Variants in FBN1 observed in about 807,000 individuals in gnomAD.
FBN1 encodes the protein fibrillin-1.
FBN1 carries 29 observed loss-of-function variants against 365.1 expected under a neutral mutation model. The ratio of observed to expected loss-of-function variants is 0.08; its 90% CI spans 0.06 to 0.11. The LOEUF is 0.11. Ranked by LOEUF, FBN1 falls within the 10% of genes least tolerant of loss-of-function variation. FBN1 has a pLI of 1.00. For synonymous variants in FBN1, 1,210 were observed against 1,270.5 expected (o/e 0.95, Z 1.01); for missense variants, 2,476 against 3,703.2 (o/e 0.67, Z 8.60).
At chr15:48,503,678 G>T in intron 17 of FBN1, 109 bp downstream of exon 17, 1 of 1,439,154 alleles carries the variant, frequency 6.9e-7, no homozygotes, top group Non-Finnish European at 9.7e-7. Flanking sequence ...AAGGCACATG[G>T]CGTACCTGGA....
At chr15:48,624,701 A>G (rs909123116) in intron 2 of FBN1, among the ~76,000 whole-genome samples, 3 of 152,264 alleles carry the variant, frequency 2.0e-5, no homozygotes, top group African/African-American at 7.2e-5. Context: ...GGGTCTATCA[A>G]GAGCTTTTCT....
rs899761312 is a variant in FBN1 at position 48,456,567 on chromosome 15, G to A, written c.5422+70C>T. 43 of 1,493,258 alleles carry A rather than the reference G, an allele frequency of 2.9e-5. No homozygotes were observed. Among genetic ancestry groups the A allele is most frequent in the African/African-American group, 8.3e-5 (6 of 72,444 alleles). The allele number at this position is 1,493,258 out of a possible 1,614,324, so 92.5% of individuals were successfully genotyped here. A position where few individuals can be genotyped will look rare whatever the true frequency, so the allele number is the denominator to read the frequency against. On this transcript the variant is annotated intron_variant, in intron 44 of 65. Transcript: ENST00000316623. ...CTGAAATTTCAATGTTGTGAAATTC[G>A]CCAAGTGTGTATCAAGTAGCTCATC... is the stretch of plus-strand genomic sequence containing the variant.
At chr15:48,471,084 T>G (rs1379284480) in intron 35 of FBN1, among the ~76,000 whole-genome samples, 4 of 152,086 alleles carry the variant, frequency 2.6e-5, no homozygotes, top group African/African-American at 7.2e-5. Context: ...TAAATTCGTT[T>G]TTTTTTTTTA....
At chr15:48,538,816 G>A (rs2044034056) in intron 6 of FBN1, among the ~76,000 whole-genome samples, 2 of 152,148 alleles carry the variant, frequency 1.3e-5, no homozygotes, top group Admixed American at 1.3e-4. Flanking sequence ...ATTTTCAGAA[G>A]TGTTTAGGTG....
At chr15:48,546,396 G>A (rs539953881) in intron 6 of FBN1, among the ~76,000 whole-genome samples, 16 of 152,310 alleles carry the variant, frequency 1.1e-4, no homozygotes, top group African/African-American at 3.8e-4. Context: ...TTTAAACTGA[G>A]GCCTAAAGGA....
At chr15:48,416,328 G>GC (rs2042903419) in intron 63 of FBN1, among the ~76,000 whole-genome samples, 1 of 152,232 alleles carries the variant, frequency 6.6e-6, no homozygotes, top group South Asian at 2.1e-4. Flanking sequence ...CCAAGTGTCT[G>GC]CCCCACGTGT....
intron 4 of FBN1, among the ~76,000 whole-genome samples, chr15:48,607,587 G>A (rs921191758): frequency 2.6e-5 from 4 of 151,462 alleles, no homozygotes; most frequent in African/African-American, 9.7e-5. Context: ...CACACAGAAA[G>A]CACCATCTAG....
At chr15:48,633,711 G>A (rs1890035901) in intron 2 of FBN1, among the ~76,000 whole-genome samples, 1 of 152,134 alleles carries the variant, frequency 6.6e-6, no homozygotes. Context: ...AAATAAATGA[G>A]AGAAAGAAAA....
At chr15:48,546,473 T>C (rs866094499) in intron 6 of FBN1, among the ~76,000 whole-genome samples, 105 of 152,164 alleles carry the variant, frequency 6.9e-4, no homozygotes, top group African/African-American at 2.3e-3. Flanking sequence ...GAACAGTGGC[T>C]CTGGGCTGGC....
At chr15:48,617,427 C>CTGGGA (rs1378019733) in intron 2 of FBN1, among the ~76,000 whole-genome samples, 1 of 152,092 alleles carries the variant, frequency 6.6e-6, no homozygotes, top group Non-Finnish European at 1.5e-5. Context: ...CCCGCCTCTG[C>CTGGGA]CTCCCAAAGT....
intron 44 of FBN1, among the ~76,000 whole-genome samples, chr15:48,456,193 G>A (rs2141259758): frequency 6.6e-6 from 1 of 152,328 alleles, no homozygotes; most frequent in South Asian, 2.1e-4. Context: ...TTGCCATTTG[G>A]AATTCTCTCA....
chr15:48,446,072 T>A (rs532466263), intron 47 of FBN1, among the ~76,000 whole-genome samples: 24 of 152,232 alleles, frequency 1.6e-4, no homozygotes, highest in Admixed American at 1.2e-3. Flanking sequence ...TATTTAAAAA[T>A]TTTTTGGCTT....
chr15:48,560,923 T>C (rs1360243494), intron 6 of FBN1, among the ~76,000 whole-genome samples: 1 of 152,156 alleles, frequency 6.6e-6, no homozygotes, highest in African/African-American at 2.4e-5. Flanking sequence ...TTTCCTCATC[T>C]GAACAATAGG....
At chr15:48,417,902 A>G (rs2042914372) in intron 63 of FBN1, among the ~76,000 whole-genome samples, 1 of 152,170 alleles carries the variant, frequency 6.6e-6, no homozygotes, top group African/African-American at 2.4e-5. Context: ...TGGCTGATCT[A>G]TGGAGCATGA....
intron 2 of FBN1, among the ~76,000 whole-genome samples, chr15:48,634,545 G>T (rs1309633103): frequency 6.6e-6 from 1 of 151,984 alleles, no homozygotes; most frequent in Non-Finnish European, 1.5e-5. Context: ...CTCTCCTCCT[G>T]CTTCCCTCAG....
chr15:48,456,711 A>G lies in FBN1; in HGVS notation c.5348T>C (p.Ile1783Thr). Reference sequence around the variant, plus strand: ...ACATCGGAAGCTGCCAACCATGTTGATACACACTCCATTTTCACAGACCCC... The same window carrying G: ...ACATCGGAAGCTGCCAACCATGTTGGTACACACTCCATTTTCACAGACCCC... ...IPGVCENGVC[I>T]NMVGSFRCEC... is the part of the protein sequence containing the mutation. The change falls in exon 44 of 66, where the codon ATC becomes ACC. Residue 1783 changes from isoleucine to threonine, a missense_variant. Ile to Thr is a moderately conservative substitution (Grantham distance 89). Coordinates refer to ENST00000316623, the MANE Select transcript of FBN1 (RefSeq NM_000138.5). 6.2e-7 allele frequency: 1 copy of G among 1,613,940 alleles called. No individual in the cohort carries two copies. Among genetic ancestry groups the G allele is most frequent in the Non-Finnish European group, 8.5e-7 (1 of 1,179,840 alleles).
intron 43 of FBN1, 107 bp from the exon 44 acceptor site, chr15:48,456,869 T>TGTGC (rs1555396459): frequency 4.4e-5 from 48 of 1,086,410 alleles, no homozygotes; most frequent in East Asian, 9.7e-5. Flanking sequence ...TGTGTGTGTG[T>TGTGC]GTGCGTGCAT....
intron 2 of FBN1, among the ~76,000 whole-genome samples, chr15:48,634,840 A>G (rs911870727): frequency 3.0e-5 from 3 of 98,944 alleles, no homozygotes; most frequent in African/African-American, 1.1e-4. Flanking sequence ...GAAGAAACCA[A>G]AAAAAAAAAA....
intron 6 of FBN1, among the ~76,000 whole-genome samples, chr15:48,564,157 C>T (rs549465525): frequency 3.9e-5 from 6 of 152,246 alleles, no homozygotes; most frequent in Middle Eastern, 6.8e-3. Flanking sequence ...TCAAGAGTGA[C>T]GCTGTGGCTG....
Sources: allele counts gnomAD v4.1 joint callset (sites outside exome capture counted in the v4.1 genomes callset), GRCh38; gene constraint gnomAD v4.1.1; transcripts MANE v1.5; gene names NCBI Gene and HGNC (gene_info 2026-07-23, HGNC 2026-07-21).